Variants in KIAA1671 observed in about 807,000 individuals in gnomAD.
KIAA1671 encodes uncharacterized protein KIAA1671.
Under a neutral mutation model 131.2 loss-of-function variants are expected in KIAA1671, and 52 were observed. The observed-to-expected ratio is 0.40, with a 90% CI of 0.32 to 0.50. The LOEUF (loss-of-function observed/expected upper bound fraction) is 0.50. Among genes scored for constraint, KIAA1671 ranks in the 20% least tolerant of loss-of-function variants. The pLI, the probability that KIAA1671 is intolerant of heterozygous loss-of-function variation, is 0.73. For missense variants in KIAA1671, 2,360 were observed against 2,364.2 expected, an observed-to-expected ratio of 1.00 and a Z score of 0.04; for synonymous variants, 1,003 against 961.6, an observed-to-expected ratio of 1.04 and a Z score of -0.80.
chr22:25,133,557 T>C (rs1932541996), intron 6 of KIAA1671, among the ~76,000 whole-genome samples: 1 of 152,200 alleles, frequency 6.6e-6, no homozygotes, highest in South Asian at 2.1e-4. Context: ...TTTTTGTTTG[T>C]TTTTAGAGAC....
chr22:25,049,636 G>A (rs1300635345), intron 6 of KIAA1671: 3 of 352,274 alleles, frequency 8.5e-6, no homozygotes, highest in Non-Finnish European at 1.5e-5. Context: ...AACATAGACT[G>A]GTGTTGGAAA....
At chr22:25,097,664 T>C (rs555147067) in intron 6 of KIAA1671, among the ~76,000 whole-genome samples, 19 of 150,984 alleles carry the variant, frequency 1.3e-4, no homozygotes, top group African/African-American at 4.6e-4. Context: ...GGCGTGAACC[T>C]GGGAGGCGGA....
At chr22:25,022,345 T>G (rs2123893066) in intron 1 of KIAA1671, among the ~76,000 whole-genome samples, 1 of 152,290 alleles carries the variant, frequency 6.6e-6, no homozygotes, top group South Asian at 2.1e-4. Context: ...CCAAACTGTT[T>G]GGTTTTGAAT....
chr22:24,977,810 T>C (rs937541394), intron 1 of KIAA1671, among the ~76,000 whole-genome samples: 1 of 152,188 alleles, frequency 6.6e-6, no homozygotes, highest in Non-Finnish European at 1.5e-5. Context: ...GTCCTCACAG[T>C]TTAATTTCTC....
At chr22:25,117,585 C>CCACACACACACACACACACACACACA (rs4049524) in intron 6 of KIAA1671, among the ~76,000 whole-genome samples, 2 of 123,836 alleles carry the variant, frequency 1.6e-5, no homozygotes, top group African/African-American at 3.2e-5. Flanking sequence ...TCTCCCCCAA[C>CCACACACACACACACACACACACACA]CACACACACA....
At chr22:25,010,762 A>G (rs1375578795) in intron 1 of KIAA1671, 2 of 152,144 alleles carry the variant, frequency 1.3e-5, no homozygotes, top group Non-Finnish European at 2.9e-5. Flanking sequence ...CAAACCAACA[A>G]TGGCTTAAAT....
chr22:25,171,809 G>C (rs1228555955), intron 7 of KIAA1671, among the ~76,000 whole-genome samples: 2 of 152,106 alleles, frequency 1.3e-5, no homozygotes, highest in African/African-American at 4.8e-5. Flanking sequence ...GCGCTGGGGT[G>C]GAGAGGGAAT....
At chr22:25,016,997 C>T (rs1925363852) in intron 1 of KIAA1671, among the ~76,000 whole-genome samples, 1 of 152,212 alleles carries the variant, frequency 6.6e-6, no homozygotes, top group South Asian at 2.1e-4. Context: ...TTGATACCCA[C>T]TTTTAATTAT....
chr22:25,078,939 A>G (rs1404267445), intron 6 of KIAA1671, among the ~76,000 whole-genome samples: 1 of 152,078 alleles, frequency 6.6e-6, no homozygotes, highest in Non-Finnish European at 1.5e-5. Context: ...GCCACTTATT[A>G]ATAGAGCATG....
intron 6 of KIAA1671, among the ~76,000 whole-genome samples, chr22:25,070,593 G>C (rs1928771836): frequency 6.6e-6 from 1 of 151,816 alleles, no homozygotes; most frequent in African/African-American, 2.4e-5. Flanking sequence ...AACGGGCTTG[G>C]TTTGGGAGGT....
rs562148870 is a variant in KIAA1671 at position 25,157,336 on chromosome 22, A to G, written c.4531-13484A>G. On this transcript the variant is annotated intron_variant, in intron 6 of 12. Coordinates refer to ENST00000358431, the MANE Select transcript of KIAA1671 (RefSeq NM_001145206.2). ...AGGTATTCTGTGCGTTTTGGTCTTT[A>G]CTTTTTTCCCCCTCACGAATGGCAG... Among the ~76,000 whole-genome samples the G allele has an allele frequency of 2.0e-5, 3 of 152,124 alleles. No homozygotes were observed. The South Asian group carries it at 6.2e-4, about 32-fold the overall frequency.
intron 1 of KIAA1671, among the ~76,000 whole-genome samples, chr22:24,965,943 A>C (rs1176339280): frequency 6.6e-6 from 1 of 152,170 alleles, no homozygotes; most frequent in African/African-American, 2.4e-5. Context: ...TCTGACATAG[A>C]TTTTGTGTGT....
intron 6 of KIAA1671, among the ~76,000 whole-genome samples, chr22:25,078,021 C>G (rs965062382): frequency 7.9e-5 from 12 of 152,078 alleles, no homozygotes; most frequent in Admixed American, 2.6e-4. Context: ...ATTATTTTAC[C>G]GAAGAGAAAA....
In KIAA1671 at chr22:25,039,428, C is replaced by G. The variant is rs1482718685; in HGVS notation, c.2298C>G (p.Leu766=). 2 of 1,551,690 alleles carry G rather than the reference C, an allele frequency of 1.3e-6. No homozygotes were observed. The highest frequency in any genetic ancestry group is 1.4e-5 in the African/African-American group (1 of 73,064). The change falls in exon 5 of 13, where the codon CTC becomes CTG. Residue 766 remains leucine (L), a synonymous_variant. Transcript: ENST00000358431. Reference sequence around the variant, plus strand: ...CGCTCCGCAGCCTCAGGTCTTGGCTCTCACTGAAGGACAGGCAGCTGTCCC... The same window carrying G: ...CGCTCCGCAGCCTCAGGTCTTGGCTGTCACTGAAGGACAGGCAGCTGTCCC... ...AVTLRSLRSW[L]SLKDRQLSQE...
chr22:24,994,456 C>G (rs1924005393), intron 1 of KIAA1671, among the ~76,000 whole-genome samples: 1 of 152,142 alleles, frequency 6.6e-6, no homozygotes, highest in South Asian at 2.1e-4. Context: ...GACTTGAGTG[C>G]TAGGTAGCTG....
intron 6 of KIAA1671, among the ~76,000 whole-genome samples, chr22:25,151,678 G>T (rs371974459): frequency 6.6e-6 from 1 of 151,990 alleles, no homozygotes; most frequent in Non-Finnish European, 1.5e-5. Flanking sequence ...GGATCTTCCC[G>T]CCTTGGCCTC....
chr22:25,048,635 A>C (rs1927367983), intron 5 of KIAA1671, among the ~76,000 whole-genome samples: 1 of 152,006 alleles, frequency 6.6e-6, no homozygotes, highest in Non-Finnish European at 1.5e-5. Flanking sequence ...TGTTTCCCCT[A>C]TATATAACTA....
chr22:25,126,984 A>G (rs1459203153), intron 6 of KIAA1671, among the ~76,000 whole-genome samples: 1 of 152,194 alleles, frequency 6.6e-6, no homozygotes, highest in African/African-American at 2.4e-5. Flanking sequence ...TACACTGGCT[A>G]TGGGCCTCAG....
intron 6 of KIAA1671, among the ~76,000 whole-genome samples, chr22:25,158,423 G>A (rs368498746): frequency 6.6e-6 from 1 of 152,166 alleles, no homozygotes; most frequent in South Asian, 2.1e-4. Flanking sequence ...ACAGTCAAAC[G>A]ATAATCACAG....
Sources: allele counts gnomAD v4.1 joint callset (sites outside exome capture counted in the v4.1 genomes callset), GRCh38; gene constraint gnomAD v4.1.1; transcripts MANE v1.5; gene names NCBI Gene and HGNC (gene_info 2026-07-23, HGNC 2026-07-21).